FSTL5: variants seen among roughly 807,000 people sequenced by gnomAD.
FSTL5 encodes follistatin like 5.
In FSTL5, 62 loss-of-function variants were observed where a neutral mutation model predicts 89.1. The ratio of observed to expected loss-of-function variants is 0.70; its 90% CI spans 0.57 to 0.86. FSTL5 has a LOEUF of 0.86. Among genes scored for constraint, FSTL5 ranks in the 40% least tolerant of loss-of-function variants. FSTL5 has a pLI of 0.00. For missense variants in FSTL5, 1,057 were observed against 1,001.6 expected (o/e 1.06, Z -0.75); for synonymous variants, 383 against 346.2 (o/e 1.11, Z -1.18).
intron 3 of FSTL5, among the ~76,000 whole-genome samples, chr4:161,949,412 T>C (rs1429882755): frequency 6.6e-6 from 1 of 152,134 alleles, no homozygotes; most frequent in Non-Finnish European, 1.5e-5. Context: ...TTATCTTTGA[T>C]TTTCTTTAGT....
intron 6 of FSTL5, among the ~76,000 whole-genome samples, chr4:161,729,893 C>G (rs1221201847): frequency 1.3e-5 from 2 of 152,118 alleles, no homozygotes; most frequent in Non-Finnish European, 2.9e-5. Flanking sequence ...AGCTGGACTC[C>G]ATCAGTGTAC....
chr4:161,496,831 G>GAT (rs1287518580), intron 12 of FSTL5, among the ~76,000 whole-genome samples: 1 of 151,538 alleles, frequency 6.6e-6, no homozygotes, highest in Admixed American at 6.6e-5. Flanking sequence ...TAGAGATAGA[G>GAT]ATAGAGATCA....
intron 12 of FSTL5, among the ~76,000 whole-genome samples, chr4:161,494,250 A>G (rs867513178): frequency 3.3e-5 from 5 of 151,536 alleles, no homozygotes; most frequent in East Asian, 1.9e-4. Context: ...ACACCCTGAG[A>G]AAAAAAAATA....
intron 4 of FSTL5, among the ~76,000 whole-genome samples, chr4:161,884,060 A>ATT (rs5863496): frequency 1.5e-3 from 226 of 151,304 alleles, no homozygotes; most frequent in Non-Finnish European, 2.7e-3. Context: ...TTTTAATTTA[A>ATT]TTTTTTTTGA....
At position 161,551,858 on chromosome 4, in the gene FSTL5, C is replaced by T. The variant is rs533454973; in HGVS notation, c.1016-9165G>A. ...ATTCAAGATGGATTAAAGACTTAAA[C>T]GTTAGACCTAAAACCATAAAAACCC... On this transcript the variant is annotated intron_variant, in intron 8 of 15. Coordinates refer to ENST00000306100, the MANE Select transcript of FSTL5 (RefSeq NM_020116.5). Among the ~76,000 whole-genome samples, 222 of 151,904 alleles carry T rather than the reference C, an allele frequency of 1.5e-3. 1 individual carries two copies. Among genetic ancestry groups the T allele is most frequent in the Admixed American group, 2.5e-3 (38 of 15,204 alleles).
At chr4:162,103,803 T>G (rs1731096732) in intron 2 of FSTL5, among the ~76,000 whole-genome samples, 1 of 152,140 alleles carries the variant, frequency 6.6e-6, no homozygotes, top group Non-Finnish European at 1.5e-5. Flanking sequence ...TCTTGCAACT[T>G]AGCTCACACC....
intron 4 of FSTL5, among the ~76,000 whole-genome samples, chr4:161,905,444 A>C (rs1211927073): frequency 6.6e-6 from 1 of 152,182 alleles, no homozygotes; most frequent in Non-Finnish European, 1.5e-5. Flanking sequence ...AAATATCACT[A>C]TAAAGCTGAT....
chr4:162,045,690 C>A (rs561349442), intron 2 of FSTL5, among the ~76,000 whole-genome samples: 1 of 152,084 alleles, frequency 6.6e-6, no homozygotes, highest in African/African-American at 2.4e-5. Flanking sequence ...CTACCACGAA[C>A]CTTCCATTTA....
At chr4:161,836,994 C>T (rs1247014069) in intron 4 of FSTL5, among the ~76,000 whole-genome samples, 1 of 152,062 alleles carries the variant, frequency 6.6e-6, no homozygotes, top group African/African-American at 2.4e-5. Context: ...CATCTATGTG[C>T]CATCCAATTG....
intron 15 of FSTL5, among the ~76,000 whole-genome samples, chr4:161,436,644 T>G (rs1732570059): frequency 6.6e-6 from 1 of 152,210 alleles, no homozygotes; most frequent in Non-Finnish European, 1.5e-5. Flanking sequence ...ATTTTAATAG[T>G]GAGGGACAGT....
intron 15 of FSTL5, among the ~76,000 whole-genome samples, chr4:161,410,250 A>T (rs1731541560): frequency 6.6e-6 from 1 of 152,196 alleles, no homozygotes; most frequent in Middle Eastern, 3.2e-3. Flanking sequence ...TTGCCTATGA[A>T]AAGACTTAGC....
intron 12 of FSTL5, among the ~76,000 whole-genome samples, chr4:161,497,477 A>C (rs1025491413): frequency 2.0e-5 from 3 of 152,084 alleles, no homozygotes; most frequent in African/African-American, 7.2e-5. Flanking sequence ...TTCAACATCC[A>C]ATGCAGTAAA....
chr4:161,784,956 G>A (rs1391926353), intron 4 of FSTL5, among the ~76,000 whole-genome samples: 2 of 150,282 alleles, frequency 1.3e-5, no homozygotes, highest in East Asian at 1.9e-4. Context: ...TGAAATCATA[G>A]GTATCTAACA....
chr4:161,485,538 G>A (rs1290621442), intron 12 of FSTL5, among the ~76,000 whole-genome samples: 3 of 152,014 alleles, frequency 2.0e-5, no homozygotes, highest in Non-Finnish European at 4.4e-5. Context: ...CTATCTTAAA[G>A]GAAGCATTAA....
chr4:161,942,774 T>C (rs1435359459), intron 3 of FSTL5, among the ~76,000 whole-genome samples: 1 of 152,116 alleles, frequency 6.6e-6, no homozygotes, highest in Non-Finnish European at 1.5e-5. Flanking sequence ...CCTAAGACAT[T>C]GGTGTCCATT....
rs77260477 is a variant in FSTL5, at chr4:161,962,244, T to C, written c.161-41592A>G. ...GGTCCAGATTTACATTTTGACTATT[T>C]ATATAAACATTAGTAAGATTGTCAG... is the stretch of plus-strand genomic sequence containing the variant. On this transcript the variant is annotated intron_variant, in intron 3 of 15. Transcript: ENST00000306100. Among the ~76,000 whole-genome samples, 1,176 of 152,104 alleles carry C rather than the reference T, an allele frequency of 7.7e-3. 16 individuals carry two copies. Among genetic ancestry groups the C allele is most frequent in the African/African-American group, 0.027 (1,117 of 41,526 alleles).
At chr4:161,910,165 C>T (rs1013049053) in intron 4 of FSTL5, among the ~76,000 whole-genome samples, 3 of 152,034 alleles carry the variant, frequency 2.0e-5, no homozygotes, top group African/African-American at 7.2e-5. Context: ...TTTTCCTTGG[C>T]TTGGTTCTCC....
At chr4:161,550,586 T>C in intron 8 of FSTL5, among the ~76,000 whole-genome samples, 2 of 148,278 alleles carry the variant, frequency 1.3e-5, no homozygotes, top group East Asian at 2.0e-4. Context: ...TATTTATTTA[T>C]TTATTTATTA....
intron 2 of FSTL5, among the ~76,000 whole-genome samples, chr4:162,094,861 T>A (rs1730687309): frequency 6.6e-6 from 1 of 152,138 alleles, no homozygotes; most frequent in Non-Finnish European, 1.5e-5. Flanking sequence ...AATGAAGCAC[T>A]TTACTCTATA....
Sources: allele counts gnomAD v4.1 joint callset (sites outside exome capture counted in the v4.1 genomes callset), GRCh38; gene constraint gnomAD v4.1.1; transcripts MANE v1.5; gene names NCBI Gene and HGNC (gene_info 2026-07-23, HGNC 2026-07-21).